Variants in SPRYD7 observed in about 807,000 individuals in gnomAD.
SPRYD7 encodes the protein SPRY domain containing 7, also known as SPRY domain-containing protein 7.
In SPRYD7, 14 loss-of-function variants were observed where a neutral mutation model predicts 23.8. The ratio of observed to expected loss-of-function variants is 0.59; its 90% confidence interval spans 0.39 to 0.92. The LOEUF (loss-of-function observed/expected upper bound fraction) is 0.92, where lower values mean the gene tolerates loss of function less well. Ranked by LOEUF, SPRYD7 falls within the 40% of genes least tolerant of loss-of-function variation. The pLI, the probability that SPRYD7 is intolerant of heterozygous loss-of-function variation, is 0.00. For missense variants in SPRYD7, 194 were observed against 241.7 expected (o/e 0.80, Z 1.31); for synonymous variants, 75 against 84.9 (o/e 0.88, Z 0.64).
Position 49,921,524 on chromosome 13 carries a change from A to G in SPRYD7, c.447T>C (p.His149=), listed in dbSNP as rs1955820268. The change falls in exon 4 of 5, where the codon CAT becomes CAC. Residue 149 remains histidine, a synonymous_variant. Transcript: ENST00000361840. ...LNVYLNGKNM[H]CPASGIRGTV... ...TCCCTCGTATACCTGATGCTGGACA[A>G]TGCATGTTTTTTCCATTCAAGTATA... 6.2e-7 allele frequency: 1 copy of G among 1,613,754 alleles called. No homozygotes were observed. The highest frequency in any genetic ancestry group is 1.1e-5 in the South Asian group (1 of 91,080).
At chr13:49,921,457 A>G in intron 4 of SPRYD7, 21 bp downstream of exon 4, 1 of 1,435,080 alleles carries the variant, frequency 7.0e-7, no homozygotes, top group Non-Finnish European at 9.8e-7. Flanking sequence ...GTAATAATAC[A>G]TTAGAAATAT....
intron 3 of SPRYD7, among the ~76,000 whole-genome samples, chr13:49,924,027 G>C (rs1278075838): frequency 2.0e-5 from 3 of 150,450 alleles, no homozygotes; most frequent in Non-Finnish European, 4.4e-5. Flanking sequence ...TTGTCGCCTA[G>C]GCTGGAGTGC....
At position 49,914,534 on chromosome 13, in the gene SPRYD7, C is replaced by CA. The variant is rs1347718200; in HGVS notation, c.*528dup. ...CAATGACATTACACAACAAAATAAG[C>CA]AATTTAAGTTTTAAGAAAAGCGGTA... On this transcript the variant is annotated 3_prime_UTR_variant, in exon 5 of 5. Transcript: ENST00000361840. The CA allele has an allele frequency of 2.0e-5, 3 of 152,166 alleles. No individual in the cohort carries two copies. Among genetic ancestry groups the CA allele is most frequent in the African/African-American group, 7.2e-5 (3 of 41,400 alleles). The allele number at this position is 152,166 out of a possible 1,614,324, so 9.4% of individuals were successfully genotyped here.
At chr13:49,922,855 T>A (rs1194575792) in intron 3 of SPRYD7, among the ~76,000 whole-genome samples, 1 of 151,936 alleles carries the variant, frequency 6.6e-6, no homozygotes, top group Non-Finnish European at 1.5e-5. Flanking sequence ...AGTCTTAAAT[T>A]CTCTCTCTTT....
At position 49,932,061 on chromosome 13, in the gene SPRYD7, T is replaced by A. The variant is rs565533559; in HGVS notation, c.107-927A>T. On this transcript the variant is annotated intron_variant, in intron 1 of 4. Transcript: ENST00000361840. The stretch of plus-strand genomic sequence containing the variant: ...TTAGCCAGGAAACCAATTTGATGAT[T>A]TCATAAATTTCTTAATTTAAACCAA... Among the ~76,000 whole-genome samples, 174 of 152,340 alleles carry A rather than the reference T, an allele frequency of 1.1e-3. 2 individuals are homozygous for A. The highest frequency in any genetic ancestry group is 4.1e-3 in the African/African-American group (170 of 41,578).
At chr13:49,927,437 A>G (rs1248917487) in intron 3 of SPRYD7, among the ~76,000 whole-genome samples, 1 of 151,906 alleles carries the variant, frequency 6.6e-6, no homozygotes. Flanking sequence ...CAGAGGTTGC[A>G]GTGAGCCAAG....
At chr13:49,918,280 T>C (rs907894733) in intron 4 of SPRYD7, among the ~76,000 whole-genome samples, 1 of 152,170 alleles carries the variant, frequency 6.6e-6, no homozygotes, top group African/African-American at 2.4e-5. Flanking sequence ...TCAAGGCTGG[T>C]CTTCAACTCC....
intron 4 of SPRYD7, among the ~76,000 whole-genome samples, chr13:49,917,087 GT>G (rs375553466): frequency 1.3e-5 from 2 of 150,792 alleles, no homozygotes; most frequent in African/African-American, 2.4e-5. Flanking sequence ...TCATAACTTT[GT>G]TTTTTTTTGT....
intron 1 of SPRYD7, among the ~76,000 whole-genome samples, chr13:49,931,475 T>G (rs962644944): frequency 6.6e-6 from 1 of 152,226 alleles, no homozygotes; most frequent in South Asian, 2.1e-4. Flanking sequence ...GCACCGCGCC[T>G]GGCCAAGTTT....
In SPRYD7 at chr13:49,921,550, C is replaced by T. The variant is rs376258839; in HGVS notation, c.421G>A (p.Val141Ile). 6.2e-7 allele frequency: 1 copy of T among 1,612,250 alleles called. No individual in the cohort carries two copies. The highest frequency in any genetic ancestry group is 1.3e-5 in the African/African-American group (1 of 74,848). Residue 141 changes from valine (V) to isoleucine (I), a missense_variant, in exon 4 of 5, where the codon GTA becomes ATA. Val to Ile is a conservative substitution (Grantham distance 29). Transcript: ENST00000361840. ...TGCATGTTTTTTCCATTCAAGTATA[C>T]ATTTAATTCGACATGGTCATAAGTA... Reference protein sequence around the residue: ...GITYDHVELNVYLNGKNMHCP... With the variant: ...GITYDHVELNIYLNGKNMHCP...
chr13:49,927,122 A>G (rs1219811835), intron 3 of SPRYD7, among the ~76,000 whole-genome samples: 1 of 152,198 alleles, frequency 6.6e-6, no homozygotes, highest in Non-Finnish European at 1.5e-5. Flanking sequence ...GAAGAGTTTA[A>G]TTAGGTTAAG....
chr13:49,915,227 TATAAA>T (rs1955739818), intron 4 of SPRYD7, 67 bp from the exon 5 acceptor site: 8 of 675,960 alleles, frequency 1.2e-5, no homozygotes, highest in East Asian at 9.2e-5. Context: ...AATACATAAT[TATAAA>T]ATAAAATAAA....
chr13:49,936,086 C>G (rs776133836), intron 1 of SPRYD7, 44 bp downstream of exon 1: 2 of 1,459,740 alleles, frequency 1.4e-6, no homozygotes, highest in African/African-American at 2.9e-5. Context: ...CCGCCGCGCC[C>G]GGCCCCCGTG....
In SPRYD7 at chr13:49,936,133, T is replaced by C. The variant is rs371567028; in HGVS notation, c.103A>G (p.Met35Val). 8 of 1,577,190 alleles carry C rather than the reference T, an allele frequency of 5.1e-6. No individual in the cohort carries two copies. The highest frequency in any genetic ancestry group is 2.3e-5 in the South Asian group (2 of 88,250). ...MPAVQLDTQH[M>V]GTDVVIVKNG... ...CTGGGGAAGGGAGGGCCCTTACCCA[T>C]GTGCTGCGTGTCCAGCTGCACGGCC... Residue 35 changes from methionine (M) to valine (V), a missense_variant, in exon 1 of 5, where the codon ATG (methionine) becomes GTG (valine). Physicochemically the swap from Met to Val is conservative, Grantham distance 21. Coordinates refer to ENST00000361840, the MANE Select transcript of SPRYD7 (RefSeq NM_020456.4).
chr13:49,934,105 C>T (rs887948705), intron 1 of SPRYD7, among the ~76,000 whole-genome samples: 9 of 151,526 alleles, frequency 5.9e-5, no homozygotes, highest in Non-Finnish European at 1.3e-4. Context: ...TAATCTTTCA[C>T]ACCACCAAAT....
At chr13:49,915,832 T>C (rs1398036223) in intron 4 of SPRYD7, among the ~76,000 whole-genome samples, 1 of 152,236 alleles carries the variant, frequency 6.6e-6, no homozygotes, top group Admixed American at 6.5e-5. Context: ...AATTGTGATA[T>C]ATCCACACAA....
chr13:49,933,942 C>T (rs910863582), intron 1 of SPRYD7, among the ~76,000 whole-genome samples: 6 of 151,740 alleles, frequency 4.0e-5, no homozygotes, highest in Non-Finnish European at 8.8e-5. Context: ...AAAAATTATG[C>T]CATAGAAAAT....
chr13:49,923,659 C>CT (rs111616246), intron 3 of SPRYD7, among the ~76,000 whole-genome samples: 57 of 148,642 alleles, frequency 3.8e-4, no homozygotes, highest in Middle Eastern at 3.5e-3. Flanking sequence ...TATTTTCTTT[C>CT]TTTTTTTTTT....
Position 49,915,021 on chromosome 13 carries a change from T to C in SPRYD7, c.*42A>G. On this transcript the variant is annotated 3_prime_UTR_variant, in exon 5 of 5. Coordinates refer to ENST00000361840, the MANE Select transcript of SPRYD7 (RefSeq NM_020456.4). ...TAAAGTTTTATTAAATGATGAACAT[T>C]TTTTAACAGTGCAGAAATACAAGTT... The C allele has an allele frequency of 1.7e-6, 2 of 1,154,370 alleles. No individual in the cohort carries two copies. The highest frequency in any genetic ancestry group is 1.6e-5 in the African/African-American group (1 of 63,856). The allele number at this position is 1,154,370 out of a possible 1,614,324, so 71.5% of individuals were successfully genotyped here.
Sources: gnomAD v4.1 joint callset for allele counts (sites outside exome capture counted in the v4.1 genomes callset) on GRCh38, gnomAD v4.1.1 for gene constraint, MANE v1.5 for transcripts, NCBI Gene and HGNC (gene_info 2026-07-23, HGNC 2026-07-21) for gene names.